The following APOOL variants were observed in gnomAD, a reference collection of about 807,000 sequenced individuals.
APOOL encodes MICOS complex subunit MIC27.
In APOOL, 12 loss-of-function variants were observed where a neutral mutation model predicts 23.1. That is an observed-to-expected ratio of 0.52 (90% CI 0.33 to 0.84). APOOL has a LOEUF of 0.84. Ranked by LOEUF, APOOL falls within the 40% of genes least tolerant of loss-of-function variation. APOOL has a pLI of 0.02. For synonymous variants in APOOL, 77 were observed against 69.9 expected (o/e 1.10, Z -0.51); for missense variants, 212 against 199.6 (o/e 1.06, Z -0.37).
At chrX:85,038,346 G>T (rs1479105276) in intron 1 of APOOL, among the ~76,000 whole-genome samples, 5 of 109,826 alleles carry the variant, frequency 4.6e-5, no homozygotes. Context: ...GTATTGGCCA[G>T]AAGTTTTCCT....
At chrX:85,033,854 C>G (rs1364458929) in intron 1 of APOOL, among the ~76,000 whole-genome samples, 1 of 111,828 alleles carries the variant, frequency 8.9e-6, no homozygotes, top group Non-Finnish European at 1.9e-5. Context: ...CTTTGCCAGC[C>G]ATACTGTGCC....
intron 1 of APOOL, among the ~76,000 whole-genome samples, chrX:85,035,475 TTTGCTTTTGTTGGAA>T (rs748601620): frequency 9.0e-5 from 10 of 111,581 alleles, no homozygotes; most frequent in Non-Finnish European, 1.7e-4. Flanking sequence ...TTTGTCAATT[TTTGCTTTTGTTGGAA>T]TTGCTTTTGG....
chrX:85,079,511 T>C (rs1315414853), intron 8 of APOOL, among the ~76,000 whole-genome samples: 3 of 111,541 alleles, frequency 2.7e-5, no homozygotes, highest in African/African-American at 9.8e-5. Context: ...ATTGAGGATT[T>C]TCACATCGAT....
intron 8 of APOOL, among the ~76,000 whole-genome samples, chrX:85,076,496 C>G (rs1415298118): frequency 1.8e-5 from 2 of 110,661 alleles, no homozygotes; most frequent in African/African-American, 6.6e-5. Context: ...AATAATAGTT[C>G]TCACATGGTT....
chrX:85,032,967 A>T (rs146820037), intron 1 of APOOL, among the ~76,000 whole-genome samples: 153 of 111,991 alleles, frequency 1.4e-3, no homozygotes, highest in African/African-American at 4.6e-3. Context: ...GCCAATTGTA[A>T]TATGTTGTGT....
intron 6 of APOOL, 73 bp from the exon 7 acceptor site, chrX:85,073,925 G>T: frequency 1.3e-6 from 1 of 756,106 alleles, no homozygotes; most frequent in South Asian, 3.2e-5. Flanking sequence ...TAAAATACCT[G>T]ACAAATCTAA....
chrX:85,027,507 T>C (rs1361653097), intron 1 of APOOL, among the ~76,000 whole-genome samples: 1 of 111,755 alleles, frequency 8.9e-6, no homozygotes, highest in Non-Finnish European at 1.9e-5. Flanking sequence ...TGTTCACTTA[T>C]TTGTTTGGTG....
At chrX:85,043,409 A>AG (rs1922466355) in intron 1 of APOOL, among the ~76,000 whole-genome samples, 1 of 54,593 alleles carries the variant, frequency 1.8e-5, no homozygotes, top group Non-Finnish European at 3.7e-5. Context: ...GGAGGCTGGC[A>AG]ATTTTTTTTT....
At chrX:85,011,159 A>G (rs901861358) in intron 1 of APOOL, among the ~76,000 whole-genome samples, 1 of 111,687 alleles carries the variant, frequency 9.0e-6, no homozygotes, top group Non-Finnish European at 1.9e-5. Context: ...TTGTCTATTC[A>G]TGACCTTCAC....
intron 1 of APOOL, among the ~76,000 whole-genome samples, chrX:85,030,857 A>G (rs966800737): frequency 8.9e-6 from 1 of 111,929 alleles, no homozygotes; most frequent in Admixed American, 9.5e-5. Context: ...GTTTACCTCT[A>G]TACAATTCAC....
chrX:85,084,722 G>C (rs1210676839), intron 8 of APOOL, among the ~76,000 whole-genome samples: 1 of 111,383 alleles, frequency 9.0e-6, no homozygotes, highest in Non-Finnish European at 1.9e-5. Flanking sequence ...ATTTTGAGGG[G>C]TGATCTAAAG....
At chrX:85,031,293 A>G (rs1159343040) in intron 1 of APOOL, among the ~76,000 whole-genome samples, 1 of 111,634 alleles carries the variant, frequency 9.0e-6, no homozygotes, top group Non-Finnish European at 1.9e-5. Context: ...AAAATGACTT[A>G]GATTCTCTGT....
At chrX:85,030,318 G>A (rs1354083224) in intron 1 of APOOL, among the ~76,000 whole-genome samples, 2 of 109,789 alleles carry the variant, frequency 1.8e-5, no homozygotes, top group African/African-American at 6.6e-5. Flanking sequence ...GTACACAGAG[G>A]CATGCAGAGT....
rs1924446892 is a variant in APOOL at position 85,088,635 on chromosome X, C to A, written c.*957C>A. Reference sequence around the variant, plus strand: ...TGCCTCCTATTTCATAGAGAAAAAACTAAATTATTAGATATGACCATTCCC... The same window carrying A: ...TGCCTCCTATTTCATAGAGAAAAAAATAAATTATTAGATATGACCATTCCC... On this transcript the variant is annotated 3_prime_UTR_variant, in exon 9 of 9. Coordinates refer to ENST00000373173, the MANE Select transcript of APOOL (RefSeq NM_198450.6). 1.8e-5 allele frequency: 2 copies of A among 109,892 alleles called. No individual in the cohort carries two copies. The highest frequency in any genetic ancestry group is 3.8e-5 in the Non-Finnish European group (2 of 52,735). 9.1% of individuals were successfully genotyped at this position (109,892 alleles called of 1,213,427 possible).
intron 8 of APOOL, among the ~76,000 whole-genome samples, chrX:85,082,480 G>C (rs1924143618): frequency 9.0e-6 from 1 of 110,732 alleles, no homozygotes; most frequent in Admixed American, 9.7e-5. Flanking sequence ...CCTTCTTCTG[G>C]AAGCTTTGTC....
At chrX:85,087,452 T>C in intron 8 of APOOL, 138 bp from the exon 9 acceptor site, 2 of 470,339 alleles carry the variant, frequency 4.3e-6, no homozygotes, top group Non-Finnish European at 7.2e-6. Context: ...TTTAATTAGT[T>C]TGTCTGTCTC....
intron 1 of APOOL, among the ~76,000 whole-genome samples, chrX:85,008,783 T>C (rs760266719): frequency 8.9e-6 from 1 of 111,880 alleles, no homozygotes; most frequent in African/African-American, 3.2e-5. Flanking sequence ...TGCAATTGTT[T>C]ATTTTTTCTA....
Position 85,088,095 on chromosome X carries a change from T to TTA in APOOL, c.*417_*418insTA, listed in dbSNP as rs1569462329. 1.7e-3 allele frequency: 5 copies of TTA among 2,984 alleles called. No homozygotes were observed. The highest frequency in any genetic ancestry group is 0.032 in the East Asian group (1 of 31). 0.2% of individuals were successfully genotyped at this position (2,984 alleles called of 1,213,427 possible). A position where few individuals can be genotyped will look rare whatever the true frequency, so the allele number is the denominator to read the frequency against. On this transcript the variant is annotated 3_prime_UTR_variant, in exon 9 of 9. Transcript: ENST00000373173. ...ACATATACATATATGTATAAATACA[T>TTA]ATACATATTTATACATATATGTATA...
At chrX:85,012,971 C>T (rs1382630409) in intron 1 of APOOL, among the ~76,000 whole-genome samples, 1 of 111,617 alleles carries the variant, frequency 9.0e-6, no homozygotes, top group Non-Finnish European at 1.9e-5. Flanking sequence ...TCCATCTGGT[C>T]CTGGAATCTG....
Sources: allele counts gnomAD v4.1 joint callset (sites outside exome capture counted in the v4.1 genomes callset), GRCh38; gene constraint gnomAD v4.1.1; transcripts MANE v1.5; gene names NCBI Gene and HGNC (gene_info 2026-07-23, HGNC 2026-07-21).